The following GPC6 variants were observed in gnomAD, a reference collection of about 807,000 sequenced individuals.
The protein encoded by GPC6 is glypican-6.
Under a neutral mutation model 55.2 loss-of-function variants are expected in GPC6, and 14 were observed. The observed-to-expected ratio is 0.25, with a 90% confidence interval of 0.17 to 0.40. The LOEUF (loss-of-function observed/expected upper bound fraction) is 0.40. Among genes scored for constraint, GPC6 ranks in the 10% least tolerant of loss-of-function variants. The pLI, the probability that GPC6 is intolerant of heterozygous loss-of-function variation, is 1.00. For synonymous variants in GPC6, 278 were observed against 259.6 expected (o/e 1.07, Z -0.68); for missense variants, 641 against 708.5 (o/e 0.90, Z 1.08).
At chr13:93,886,246 T>C (rs902278455) in intron 3 of GPC6, among the ~76,000 whole-genome samples, 7 of 152,056 alleles carry the variant, frequency 4.6e-5, no homozygotes, top group African/African-American at 1.7e-4. Flanking sequence ...GTTGGAATAA[T>C]TGGAAGACTA....
chr13:94,171,825 A>G (rs16949539), intron 4 of GPC6, among the ~76,000 whole-genome samples: 31,156 of 152,044 alleles, frequency 0.2, 3,461 homozygotes, highest in South Asian at 0.29. Context: ...TTAAAATGAC[A>G]GTGATCTGGA....
chr13:93,882,099 TTTC>T (rs1222425341), intron 3 of GPC6, among the ~76,000 whole-genome samples: 4 of 151,840 alleles, frequency 2.6e-5, no homozygotes, highest in Non-Finnish European at 4.4e-5. Context: ...CTTTCTTTCT[TTTC>T]TTTCGCGGAT....
At chr13:94,401,618 A>G (rs1594243872) in intron 8 of GPC6, among the ~76,000 whole-genome samples, 2 of 148,978 alleles carry the variant, frequency 1.3e-5, no homozygotes, top group Non-Finnish European at 1.5e-5. Context: ...CTCTGCCACC[A>G]CTACCCCACA....
upstream of GPC6, among the ~76,000 whole-genome samples, chr13:93,222,086 AT>A (rs1469504916): frequency 1.3e-5 from 2 of 152,158 alleles, no homozygotes; most frequent in Non-Finnish European, 2.9e-5. Flanking sequence ...TTATTATTTG[AT>A]TCAGAAACAT....
At chr13:93,425,668 C>T (rs1036960404) in intron 1 of GPC6, among the ~76,000 whole-genome samples, 1 of 152,164 alleles carries the variant, frequency 6.6e-6, no homozygotes, top group Non-Finnish European at 1.5e-5. Context: ...GTGAAACCAG[C>T]ACTGCTTGGC....
chr13:93,459,499 T>C (rs1384838496), intron 1 of GPC6, among the ~76,000 whole-genome samples: 2 of 152,238 alleles, frequency 1.3e-5, no homozygotes, highest in Non-Finnish European at 2.9e-5. Context: ...GATTCATTGG[T>C]GGTCTAAATG....
intron 2 of GPC6, among the ~76,000 whole-genome samples, chr13:93,679,245 A>G (rs2138762870): frequency 6.6e-6 from 1 of 152,258 alleles, no homozygotes; most frequent in Non-Finnish European, 1.5e-5. Flanking sequence ...CTCTAATGGT[A>G]GATAAATATG....
chr13:93,767,362 A>T (rs1885156558), intron 2 of GPC6, among the ~76,000 whole-genome samples: 2 of 152,182 alleles, frequency 1.3e-5, no homozygotes, highest in Admixed American at 6.5e-5. Context: ...AACTCACAAA[A>T]GTAGGGGAAA....
chr13:94,183,231 C>G (rs1427918008), intron 4 of GPC6, among the ~76,000 whole-genome samples: 3 of 152,236 alleles, frequency 2.0e-5, no homozygotes, highest in Non-Finnish European at 4.4e-5. Context: ...ACCCCCAACC[C>G]CTGGTAATCT....
At chr13:94,014,133 A>T (rs1026822974) in intron 3 of GPC6, among the ~76,000 whole-genome samples, 2 of 152,306 alleles carry the variant, frequency 1.3e-5, no homozygotes, top group Admixed American at 1.3e-4. Context: ...TACAAGATGG[A>T]GAAAAGATAG....
chr13:93,255,012 C>T (rs540422837), intron 1 of GPC6, among the ~76,000 whole-genome samples: 3 of 152,308 alleles, frequency 2.0e-5, no homozygotes, highest in East Asian at 1.9e-4. Flanking sequence ...GTTTCCAATC[C>T]GCTGCTCTTA....
chr13:93,935,462 T>C (rs1002405074), intron 3 of GPC6, among the ~76,000 whole-genome samples: 3 of 152,196 alleles, frequency 2.0e-5, no homozygotes, highest in Non-Finnish European at 2.9e-5. Flanking sequence ...CTGCATGATA[T>C]TCCATGGTAT....
intron 3 of GPC6, among the ~76,000 whole-genome samples, chr13:93,939,129 T>C (rs1249107627): frequency 2.7e-5 from 4 of 150,904 alleles, no homozygotes; most frequent in African/African-American, 9.7e-5. Context: ...ATAAATAAAA[T>C]AATATAAAAT....
At chr13:93,847,905 G>A (rs1244489656) in intron 3 of GPC6, among the ~76,000 whole-genome samples, 1 of 152,120 alleles carries the variant, frequency 6.6e-6, no homozygotes, top group South Asian at 2.1e-4. Flanking sequence ...TGGTGCTGAA[G>A]AGCTGACTTT....
At chr13:93,334,686 C>G (rs904694319) in intron 1 of GPC6, among the ~76,000 whole-genome samples, 1 of 152,118 alleles carries the variant, frequency 6.6e-6, no homozygotes, top group African/African-American at 2.4e-5. Context: ...GGGATAGTCT[C>G]GAACCCCTGA....
At chr13:93,335,294 C>A (rs1880008219) in intron 1 of GPC6, among the ~76,000 whole-genome samples, 1 of 152,164 alleles carries the variant, frequency 6.6e-6, no homozygotes, top group Admixed American at 6.5e-5. Flanking sequence ...ATATATAATT[C>A]TCTAGTTTAT....
chr13:93,867,801 A>T (rs1477303645), intron 3 of GPC6, among the ~76,000 whole-genome samples: 1 of 151,762 alleles, frequency 6.6e-6, no homozygotes, highest in Non-Finnish European at 1.5e-5. Context: ...CAGGAACTTC[A>T]TTCTTGAAGC....
chr13:93,324,012 T>C lies in GPC6; in HGVS notation c.160+96396T>C, dbSNP rs1483426204. Among the ~76,000 whole-genome samples the C allele has an allele frequency of 2.0e-5, 3 of 152,184 alleles. No individual in the cohort carries two copies. In the East Asian group the frequency reaches 5.8e-4, roughly 29 times the overall value. On this transcript the variant is annotated intron_variant, in intron 1 of 8. Transcript: ENST00000377047. Reference sequence around the variant, plus strand: ...CACAACCATGTTTGTTACAGCCCTGTTCACAATAGCCAAGATTTGGAAGCA... The same window carrying C: ...CACAACCATGTTTGTTACAGCCCTGCTCACAATAGCCAAGATTTGGAAGCA...
intron 4 of GPC6, among the ~76,000 whole-genome samples, 172 bp from the exon 5 acceptor site, chr13:94,286,177 T>A (rs1323574714): frequency 6.6e-6 from 1 of 152,232 alleles, no homozygotes; most frequent in Non-Finnish European, 1.5e-5. Context: ...TCAAACAAAA[T>A]ACAATCGTCC....
Sources: gnomAD v4.1 joint callset for allele counts (sites outside exome capture counted in the v4.1 genomes callset) on GRCh38, gnomAD v4.1.1 for gene constraint, MANE v1.5 for transcripts, NCBI Gene and HGNC (gene_info 2026-07-23, HGNC 2026-07-21) for gene names.